SLC14A2: variants seen among roughly 807,000 people sequenced by gnomAD.
SLC14A2 encodes solute carrier family 14 member 2.
A neutral mutation model predicts 104.6 loss-of-function variants in SLC14A2; 91 were observed. The observed-to-expected ratio is 0.87, with a 90% CI of 0.73 to 1.04. The LOEUF (loss-of-function observed/expected upper bound fraction) is 1.04. SLC14A2 is among the 50% of genes least tolerant of loss of function. The probability of loss-of-function intolerance (pLI) is 0.00; values close to 1 mark genes in which losing one functional copy is unlikely to be tolerated. For synonymous variants in SLC14A2, 476 were observed against 466.4 expected, an observed-to-expected ratio of 1.02 and a Z score of -0.27; for missense variants, 1,189 against 1,156.0, an observed-to-expected ratio of 1.03 and a Z score of -0.41.
At chr18:45,394,006 T>C (rs1168363001) in intron 1 of SLC14A2, among the ~76,000 whole-genome samples, 1 of 152,202 alleles carries the variant, frequency 6.6e-6, no homozygotes, top group African/African-American at 2.4e-5. Flanking sequence ...CTCCACTCTG[T>C]CCTTCAGATG....
chr18:45,669,786 A>G (rs560296032), intron 16 of SLC14A2, among the ~76,000 whole-genome samples: 1 of 152,304 alleles, frequency 6.6e-6, no homozygotes, highest in African/African-American at 2.4e-5. Context: ...TCAAGACTAG[A>G]ACTTCAGCCT....
At chr18:45,461,641 T>C (rs887044144) in intron 1 of SLC14A2, among the ~76,000 whole-genome samples, 4 of 152,182 alleles carry the variant, frequency 2.6e-5, no homozygotes, top group Non-Finnish European at 5.9e-5. Context: ...CAGCCTCATA[T>C]TTAGACAGAG....
chr18:45,451,992 C>T (rs778869672), intron 1 of SLC14A2, among the ~76,000 whole-genome samples: 8 of 151,660 alleles, frequency 5.3e-5, no homozygotes, highest in Non-Finnish European at 7.4e-5. Flanking sequence ...ACAAAAAGCT[C>T]AGTAATCAAG....
intron 1 of SLC14A2, among the ~76,000 whole-genome samples, chr18:45,334,780 C>A (rs763455087): frequency 2.0e-5 from 3 of 152,108 alleles, no homozygotes; most frequent in African/African-American, 7.2e-5. Context: ...ACAGGTAGCC[C>A]TAGGTGAATG....
rs141572852 is a variant in SLC14A2 at position 45,373,680 on chromosome 18, C to A, written c.-124-109553C>A. ...ATATGGCCCTGAGAAAAATGGCCCA[C>A]GGTCAAAGTATTAAGTGTCTGAGGA... On this transcript the variant is annotated intron_variant, in intron 1 of 20. Transcript: ENST00000586448. Among the ~76,000 whole-genome samples the A allele has an allele frequency of 7.9e-5, 12 of 152,244 alleles. No homozygotes were observed. In the East Asian group the frequency reaches 2.3e-3, roughly 29 times the overall value.
At chr18:45,463,872 G>A (rs750739962) in intron 1 of SLC14A2, among the ~76,000 whole-genome samples, 3 of 152,170 alleles carry the variant, frequency 2.0e-5, no homozygotes, top group Non-Finnish European at 4.4e-5. Context: ...CTTTGCCTCC[G>A]TATTGATGAA....
chr18:45,551,089 A>T (rs1463903542), intron 2 of SLC14A2, among the ~76,000 whole-genome samples: 2 of 152,194 alleles, frequency 1.3e-5, no homozygotes, highest in Non-Finnish European at 2.9e-5. Context: ...TAATTAATCA[A>T]TATGGCTTAG....
chr18:45,237,571 C>T (rs770927808), intron 1 of SLC14A2, among the ~76,000 whole-genome samples: 7 of 152,218 alleles, frequency 4.6e-5, no homozygotes, highest in Non-Finnish European at 7.3e-5. Context: ...GGTGGCGAAT[C>T]GTAAATCCTC....
At chr18:45,358,350 C>A (rs2085576071) in intron 1 of SLC14A2, among the ~76,000 whole-genome samples, 1 of 152,144 alleles carries the variant, frequency 6.6e-6, no homozygotes, top group Non-Finnish European at 1.5e-5. Flanking sequence ...CTTTATATTC[C>A]CGCTACTGGG....
intron 1 of SLC14A2, among the ~76,000 whole-genome samples, chr18:45,330,542 T>C (rs778800290): frequency 1.3e-5 from 2 of 152,150 alleles, no homozygotes; most frequent in Admixed American, 6.5e-5. Context: ...ATAGAGGATA[T>C]ACTAAAGAAG....
At chr18:45,591,551 G>A (rs1171788598) in intron 2 of SLC14A2, among the ~76,000 whole-genome samples, 1 of 152,098 alleles carries the variant, frequency 6.6e-6, no homozygotes, top group Non-Finnish European at 1.5e-5. Context: ...TGGCCAGGCT[G>A]GTCTTGAACT....
At chr18:45,529,199 G>A (rs553363207) in intron 2 of SLC14A2, 5 of 152,276 alleles carry the variant, frequency 3.3e-5, no homozygotes, top group East Asian at 3.9e-4. Flanking sequence ...CAAATTATTG[G>A]TGAGAAAACA....
At chr18:45,476,546 G>A (rs570050700) in intron 1 of SLC14A2, among the ~76,000 whole-genome samples, 28 of 152,294 alleles carry the variant, frequency 1.8e-4, no homozygotes, top group Middle Eastern at 3.4e-3. Context: ...GGCTGGGGAA[G>A]TTGTCCTGAA....
intron 5 of SLC14A2, among the ~76,000 whole-genome samples, chr18:45,633,500 G>A (rs2045375910): frequency 1.3e-5 from 2 of 152,208 alleles, no homozygotes; most frequent in Admixed American, 6.5e-5. Flanking sequence ...GGTGTGCTGG[G>A]CCATTCACAC....
At chr18:45,490,961 C>T (rs1568237648) in intron 2 of SLC14A2, among the ~76,000 whole-genome samples, 1 of 152,168 alleles carries the variant, frequency 6.6e-6, no homozygotes, top group Non-Finnish European at 1.5e-5. Flanking sequence ...TTGAAAGGTT[C>T]AGCAATGCCA....
At chr18:45,246,839 G>A (rs1006179022) in intron 1 of SLC14A2, among the ~76,000 whole-genome samples, 6 of 152,040 alleles carry the variant, frequency 3.9e-5, no homozygotes, top group East Asian at 3.9e-4. Context: ...GTGAAACCCC[G>A]TCTCTACTAA....
intron 2 of SLC14A2, chr18:45,515,314 A>G (rs907838358): frequency 1.3e-5 from 2 of 152,252 alleles, no homozygotes; most frequent in African/African-American, 4.8e-5. Context: ...AGCAATGATT[A>G]TAGAGAGTGT....
chr18:45,187,817 A>G, the SLC14A2 span, among the ~76,000 whole-genome samples: 5 of 152,270 alleles, frequency 3.3e-5, no homozygotes, highest in African/African-American at 9.6e-5. Context: ...CTGTTTTGGG[A>G]GAATATTGTG....
intron 2 of SLC14A2, among the ~76,000 whole-genome samples, chr18:45,547,990 A>C (rs2043999080): frequency 6.6e-6 from 1 of 152,186 alleles, no homozygotes; most frequent in South Asian, 2.1e-4. Flanking sequence ...TTTGTAGCCC[A>C]GGACTTGGAG....
Sources: gnomAD v4.1 joint callset for allele counts (sites outside exome capture counted in the v4.1 genomes callset) on GRCh38, gnomAD v4.1.1 for gene constraint, MANE v1.5 for transcripts, NCBI Gene and HGNC (gene_info 2026-07-23, HGNC 2026-07-21) for gene names.